The following RAB5B variants were observed in gnomAD, a reference collection of about 807,000 sequenced individuals.
The protein encoded by RAB5B is RAB5B, member RAS oncogene family.
Under a neutral mutation model 28.6 loss-of-function variants are expected in RAB5B, and 11 were observed. The ratio of observed to expected loss-of-function variants is 0.38; its 90% CI spans 0.24 to 0.64. The LOEUF is 0.64. RAB5B is among the 30% of genes least tolerant of loss of function. The pLI, the probability that RAB5B is intolerant of heterozygous loss-of-function variation, is 0.53. For missense variants in RAB5B, 169 were observed against 265.6 expected (o/e 0.64, Z 2.53); for synonymous variants, 93 against 97.9 (o/e 0.95, Z 0.29).
chr12:55,975,812 T>TTG (rs1889630121), intron 1 of RAB5B, among the ~76,000 whole-genome samples: 1 of 143,306 alleles, frequency 7.0e-6, no homozygotes, highest in Non-Finnish European at 1.5e-5. Flanking sequence ...TTTTTTTTTT[T>TTG]GAGACGGAGT....
intron 5 of RAB5B, chr12:55,991,750 A>G (rs1220757003): frequency 2.5e-6 from 1 of 394,058 alleles, no homozygotes; most frequent in East Asian, 5.7e-5. Context: ...AATGTGGTGA[A>G]ACCCCGTCTC....
chr12:55,987,304 G>T (rs1342386227), intron 2 of RAB5B, among the ~76,000 whole-genome samples, 181 bp downstream of exon 2: 3 of 151,892 alleles, frequency 2.0e-5, no homozygotes, highest in Non-Finnish European at 4.4e-5. Context: ...GGGATTACAG[G>T]TGCACACCGT....
chr12:55,990,887 C>T (rs768807509), intron 4 of RAB5B, 83 bp downstream of exon 4: 11 of 1,533,446 alleles, frequency 7.2e-6, no homozygotes, highest in Admixed American at 3.6e-5. Flanking sequence ...TCTCTGAAAA[C>T]GTCAACAGAG....
At chr12:55,976,020 G>A (rs1253860310) in intron 1 of RAB5B, among the ~76,000 whole-genome samples, 1 of 151,990 alleles carries the variant, frequency 6.6e-6, no homozygotes, top group African/African-American at 2.4e-5. Flanking sequence ...AAAGTGCTGG[G>A]ATTACAGGCG....
Position 55,996,003 on chromosome 12 carries a change from A to ATATATATT in RAB5B, c.*3792_*3793insATATATTT. 8 of 97,406 alleles carry ATATATATT rather than the reference A, an allele frequency of 8.2e-5. No homozygotes were observed. The highest frequency in any genetic ancestry group is 9.9e-5 in the Non-Finnish European group (5 of 50,484). The allele number at this position is 97,406 out of a possible 1,614,324, so 6.0% of individuals were successfully genotyped here. On this transcript the variant is annotated 3_prime_UTR_variant, in exon 6 of 6. Transcript: ENST00000360299. ...TATATACATATATATATATATATAT[A>ATATATATT]TTTTTTTTTTAACAACTGGTAGGAT...
At position 55,988,664 on chromosome 12, in the gene RAB5B, C is replaced by T. The variant is rs536451169; in HGVS notation, c.164-1283C>T. ...GATTACAGGCACATACCACCATGCC[C>T]GGCTAATTTTTGTATTTGTATAGAG... On this transcript the variant is annotated intron_variant, in intron 2 of 5. Transcript: ENST00000360299. Among the ~76,000 whole-genome samples, 12 of 152,052 alleles carry T rather than the reference C, an allele frequency of 7.9e-5. No individual in the cohort carries two copies. In the East Asian group the frequency reaches 1.2e-3, roughly 15 times the overall value.
intron 1 of RAB5B, among the ~76,000 whole-genome samples, chr12:55,980,194 T>C (rs1889761357): frequency 6.6e-6 from 1 of 152,194 alleles, no homozygotes; most frequent in South Asian, 2.1e-4. Flanking sequence ...CCTCTCTTCC[T>C]ACCTCCTTGC....
At chr12:55,991,726 A>T (rs545083137) in intron 5 of RAB5B, 3 of 421,432 alleles carry the variant, frequency 7.1e-6, no homozygotes, top group Non-Finnish European at 1.3e-5. Flanking sequence ...CAAGAGATCA[A>T]GACCATCCTG....
At chr12:55,984,381 G>C (rs973837444) in intron 1 of RAB5B, among the ~76,000 whole-genome samples, 4 of 152,070 alleles carry the variant, frequency 2.6e-5, no homozygotes, top group African/African-American at 9.7e-5. Flanking sequence ...GTAGAGACGG[G>C]GTTTCACCAT....
chr12:55,986,577 CA>C (rs1889957403), intron 1 of RAB5B, among the ~76,000 whole-genome samples: 1 of 152,144 alleles, frequency 6.6e-6, no homozygotes, highest in Non-Finnish European at 1.5e-5. Flanking sequence ...GTGACTCAAA[CA>C]AAAAACTTTG....
chr12:55,983,922 A>AC (rs1430800486), intron 1 of RAB5B, among the ~76,000 whole-genome samples: 1 of 149,586 alleles, frequency 6.7e-6, no homozygotes, highest in East Asian at 2.0e-4. Context: ...TATCTCCCAA[A>AC]CCCCTGGGAT....
At chr12:55,979,101 C>T (rs532966578) in intron 1 of RAB5B, among the ~76,000 whole-genome samples, 1 of 152,148 alleles carries the variant, frequency 6.6e-6, no homozygotes, top group South Asian at 2.1e-4. Context: ...CTGTGGGACC[C>T]TACGGGCCTC....
At chr12:55,980,892 G>A (rs991719109) in intron 1 of RAB5B, 52 of 1,612,586 alleles carry the variant, frequency 3.2e-5, no homozygotes, top group Non-Finnish European at 3.2e-5. Context: ...TCCACAGTGC[G>A]GATCTTGAAA....
At chr12:55,991,591 G>A in intron 5 of RAB5B, 138 bp downstream of exon 5, 1 of 650,568 alleles carries the variant, frequency 1.5e-6, no homozygotes, top group Non-Finnish European at 2.7e-6. Context: ...TTTCTGTTAT[G>A]ACCTCCATCC....
At position 55,991,590 on chromosome 12, in the gene RAB5B, TG is replaced by T; in HGVS notation, c.532+138del. On this transcript the variant is annotated intron_variant, in intron 5 of 5. Transcript: ENST00000360299. ...ATGGAAATACCTTAACTTTCTGTTA[TG>T]ACCTCCATCCTTGGCTGCAGCTTTA... is the stretch of plus-strand genomic sequence containing the variant. The T allele has an allele frequency of 4.6e-6, 3 of 653,452 alleles. No individual in the cohort carries two copies. In the South Asian group the frequency reaches 5.6e-5, roughly 12 times the overall value. The allele number at this position is 653,452 out of a possible 1,614,324, so 40.5% of individuals were successfully genotyped here. A position where few individuals can be genotyped will look rare whatever the true frequency, so the allele number is the denominator to read the frequency against.
intron 3 of RAB5B, 63 bp downstream of exon 3, chr12:55,990,161 A>G (rs1254647833): frequency 6.6e-7 from 1 of 1,508,818 alleles, no homozygotes; most frequent in Non-Finnish European, 9.0e-7. Flanking sequence ...TATAATCCCA[A>G]CACTTTAGGA....
chr12:55,992,274 C>A lies in RAB5B; in HGVS notation c.*62C>A. On this transcript the variant is annotated 3_prime_UTR_variant, in exon 6 of 6. Coordinates refer to ENST00000360299, the MANE Select transcript of RAB5B (RefSeq NM_002868.4). The stretch of plus-strand genomic sequence containing the variant: ...CAAGAGCTAAGAAATAACCTCCATC[C>A]CTACCCCTCAGCACACAACCCCTAC... 7.2e-7 allele frequency: 1 copy of A among 1,386,916 alleles called. No homozygotes were observed. The highest frequency in any genetic ancestry group is 1.0e-6 in the Non-Finnish European group (1 of 982,938). The allele number at this position is 1,386,916 out of a possible 1,614,324, so 85.9% of individuals were successfully genotyped here.
At position 55,992,477 on chromosome 12, in the gene RAB5B, C is replaced by T. The variant is rs1252519310; in HGVS notation, c.*265C>T. 6 of 631,740 alleles carry T rather than the reference C, an allele frequency of 9.5e-6. No individual in the cohort carries two copies. In the Admixed American group the frequency reaches 1.3e-4, roughly 13 times the overall value. 39.1% of individuals were successfully genotyped at this position (631,740 alleles called of 1,614,324 possible). On this transcript the variant is annotated 3_prime_UTR_variant, in exon 6 of 6. Transcript: ENST00000360299. ...CTTACCTTCCAAAACAAACTTTCTT[C>T]ACTTTGTATTATAGGTACAAGACAG...
rs749519816 is a variant in RAB5B, at chr12:55,986,923, C to A, written c.-38C>A. 8.6e-6 allele frequency: 5 copies of A among 583,890 alleles called. No individual in the cohort carries two copies. The highest frequency in any genetic ancestry group is 1.5e-5 in the Non-Finnish European group (5 of 326,106). 36.2% of individuals were successfully genotyped at this position (583,890 alleles called of 1,614,324 possible). A position where few individuals can be genotyped will look rare whatever the true frequency, so the allele number is the denominator to read the frequency against. On this transcript the variant is annotated 5_prime_UTR_variant, in exon 2 of 6. Transcript: ENST00000360299. ...TTCCCCCTCCCCCCTTTACAGTATCCCCCTCCCTCCACCCTTTCCCATTCT... is the reference window on the plus strand; with the variant it reads ...TTCCCCCTCCCCCCTTTACAGTATCACCCTCCCTCCACCCTTTCCCATTCT...
Sources: gnomAD v4.1 joint callset for allele counts (sites outside exome capture counted in the v4.1 genomes callset) on GRCh38, gnomAD v4.1.1 for gene constraint, MANE v1.5 for transcripts, NCBI Gene and HGNC (gene_info 2026-07-23, HGNC 2026-07-21) for gene names.